Variants in FMN2 observed in about 807,000 individuals in gnomAD.
The protein encoded by FMN2 is formin 2.
A neutral mutation model predicts 142.3 loss-of-function variants in FMN2; 51 were observed. The ratio of observed to expected loss-of-function variants is 0.36; its 90% CI spans 0.29 to 0.45. The LOEUF (loss-of-function observed/expected upper bound fraction) is 0.45, where lower values mean the gene tolerates loss of function less well. FMN2 is among the 20% of genes least tolerant of loss of function. The pLI is 1.00. For synonymous variants in FMN2, 882 were observed against 869.8 expected (o/e 1.01, Z -0.25); for missense variants, 1,936 against 2,122.8 (o/e 0.91, Z 1.73).
At chr1:240,145,382 G>T (rs561231728) in intron 2 of FMN2, 179 of 539,378 alleles carry the variant, frequency 3.3e-4, no homozygotes, top group Non-Finnish European at 5.2e-4. Flanking sequence ...CATCTCCGCT[G>T]CCACTGCCCT....
chr1:240,233,899 T>A (rs1667612470), intron 6 of FMN2, among the ~76,000 whole-genome samples: 1 of 152,166 alleles, frequency 6.6e-6, no homozygotes, highest in African/African-American at 2.4e-5. Context: ...GGAAATGGAT[T>A]CTTTACAACT....
intron 7 of FMN2, among the ~76,000 whole-genome samples, chr1:240,262,879 G>GC (rs558625923): frequency 5.1e-4 from 76 of 147,982 alleles, no homozygotes; most frequent in Non-Finnish European, 8.0e-4. Context: ...TTATCCCTCA[G>GC]CCCCCCGAGT....
intron 7 of FMN2, among the ~76,000 whole-genome samples, chr1:240,265,915 T>TG (rs2102910522): frequency 9.5e-6 from 1 of 105,222 alleles, no homozygotes; most frequent in South Asian, 2.9e-4. Flanking sequence ...TTAAAGGGGT[T>TG]TGTTTTTTTT....
intron 3 of FMN2, 74 bp from the exon 4 acceptor site, chr1:240,188,133 G>A (rs1665557853): frequency 1.2e-5 from 17 of 1,450,648 alleles, no homozygotes; most frequent in Non-Finnish European, 1.6e-5. Context: ...TTTAGTGAAA[G>A]TTTTATTTTC....
chr1:240,181,786 A>G (rs547279481), intron 3 of FMN2, among the ~76,000 whole-genome samples: 1 of 152,274 alleles, frequency 6.6e-6, no homozygotes, highest in Admixed American at 6.5e-5. Flanking sequence ...GATACAAAGA[A>G]ACCCTTTCTA....
chr1:240,161,097 A>G (rs570101900), intron 2 of FMN2, among the ~76,000 whole-genome samples: 32 of 152,242 alleles, frequency 2.1e-4, no homozygotes, highest in African/African-American at 7.7e-4. Flanking sequence ...GAACAGATTT[A>G]TCATGTTTAT....
At chr1:240,315,622 C>T (rs1253197854) in intron 8 of FMN2, among the ~76,000 whole-genome samples, 1 of 152,154 alleles carries the variant, frequency 6.6e-6, no homozygotes, top group East Asian at 1.9e-4. Flanking sequence ...AGCTGTTCAG[C>T]CATTGGATAT....
In FMN2 at chr1:240,178,461, T is replaced by G. The variant is rs186642839; in HGVS notation, c.1930+393T>G. On this transcript the variant is annotated intron_variant, in intron 3 of 17. Coordinates refer to ENST00000319653, the MANE Select transcript of FMN2 (RefSeq NM_020066.5). ...TTCTTCTTCTTCTTTTTTTTTTTTT[T>G]TCTGGACAAGGTCTTTCTCTGTCAC... Among the ~76,000 whole-genome samples, 9 of 151,118 alleles carry G rather than the reference T, an allele frequency of 6.0e-5. No individual in the cohort carries two copies. The South Asian group carries it at 1.3e-3, about 21-fold the overall frequency.
chr1:240,321,936 G>T (rs1022644346), intron 8 of FMN2, among the ~76,000 whole-genome samples: 1 of 152,112 alleles, frequency 6.6e-6, no homozygotes, highest in Non-Finnish European at 1.5e-5. Context: ...TAGCTATACA[G>T]ATACTCCTCA....
At chr1:240,157,918 C>G (rs1335325176) in intron 2 of FMN2, among the ~76,000 whole-genome samples, 1 of 147,934 alleles carries the variant, frequency 6.8e-6, no homozygotes, top group Non-Finnish European at 1.5e-5. Flanking sequence ...AGGAGAATCA[C>G]TTGAGCCTAG....
intron 16 of FMN2, among the ~76,000 whole-genome samples, chr1:240,465,853 G>A (rs1676603751): frequency 6.6e-6 from 1 of 152,210 alleles, no homozygotes; most frequent in Non-Finnish European, 1.5e-5. Flanking sequence ...GGGCTGCAGG[G>A]ATGTCTGGTT....
chr1:240,188,161 A>G, intron 3 of FMN2, 46 bp from the exon 4 acceptor site: 1 of 1,576,060 alleles, frequency 6.3e-7, no homozygotes, highest in African/African-American at 1.4e-5. Flanking sequence ...AGAAATAGGA[A>G]AATTGTCCTT....
intron 6 of FMN2, among the ~76,000 whole-genome samples, chr1:240,228,303 CAAAAAAAAAAAAAAAAAAAAAAAAAAA>C (rs577421634): frequency 8.4e-5 from 4 of 47,726 alleles, no homozygotes; most frequent in Non-Finnish European, 1.8e-4. Flanking sequence ...AACTCTGTCT[CAAAAAAAAAAAAAAAAAAAAAAAAAAA>C]AAGAAAAAGA....
At chr1:240,247,881 A>G (rs1311014553) in intron 6 of FMN2, among the ~76,000 whole-genome samples, 1 of 152,234 alleles carries the variant, frequency 6.6e-6, no homozygotes, top group East Asian at 1.9e-4. Flanking sequence ...TGTTACATGC[A>G]TAGAATGCGT....
At chr1:240,450,031 GT>G (rs1190989434) in intron 16 of FMN2, among the ~76,000 whole-genome samples, 1 of 151,876 alleles carries the variant, frequency 6.6e-6, no homozygotes, top group East Asian at 1.9e-4. Context: ...ATAACTCAAA[GT>G]TATAAGTATT....
intron 1 of FMN2, among the ~76,000 whole-genome samples, chr1:240,121,381 A>ATT (rs149431338): frequency 3.7e-4 from 52 of 141,062 alleles, no homozygotes; most frequent in African/African-American, 1.2e-3. Context: ...TTTTATTTTT[A>ATT]TTTTTTTTTT....
intron 15 of FMN2, among the ~76,000 whole-genome samples, chr1:240,409,750 G>A (rs543500395): frequency 1.3e-4 from 20 of 152,134 alleles, no homozygotes; most frequent in African/African-American, 4.6e-4. Context: ...AAACAATAAG[G>A]AAAATAGCAA....
chr1:240,330,288 T>C (rs908306213), intron 10 of FMN2, among the ~76,000 whole-genome samples: 1 of 152,182 alleles, frequency 6.6e-6, no homozygotes, highest in Non-Finnish European at 1.5e-5. Context: ...TATCTAATAG[T>C]TATCATATAG....
chr1:240,391,402 G>A lies in FMN2; in HGVS notation c.4859-1109G>A, dbSNP rs939150987. Among the ~76,000 whole-genome samples, 3 of 150,790 alleles carry A rather than the reference G, an allele frequency of 2.0e-5. No homozygotes were observed. The East Asian group carries it at 6.1e-4, about 31-fold the overall frequency. On this transcript the variant is annotated intron_variant, in intron 14 of 17. Coordinates refer to ENST00000319653, the MANE Select transcript of FMN2 (RefSeq NM_020066.5). ...TGATAAAGACACTGACAGTTCTCGA[G>A]TGACCATGGGTTTTATTTCATGCAC... is the stretch of plus-strand genomic sequence containing the variant.
Sources: allele counts gnomAD v4.1 joint callset (sites outside exome capture counted in the v4.1 genomes callset), GRCh38; gene constraint gnomAD v4.1.1; transcripts MANE v1.5; gene names NCBI Gene and HGNC (gene_info 2026-07-23, HGNC 2026-07-21).